Variants in RIPOR2 observed in about 807,000 individuals in gnomAD.
RIPOR2 encodes rho family-interacting cell polarization regulator 2.
A neutral mutation model predicts 114.5 loss-of-function variants in RIPOR2; 39 were observed. The observed-to-expected ratio is 0.34, with a 90% CI of 0.26 to 0.44. The LOEUF is 0.44. Among genes scored for constraint, RIPOR2 ranks in the 20% least tolerant of loss-of-function variants. RIPOR2 has a pLI of 1.00. For missense variants in RIPOR2, 1,007 were observed against 1,255.1 expected (o/e 0.80, Z 2.99); for synonymous variants, 445 against 484.4 (o/e 0.92, Z 1.07).
intron 1 of RIPOR2, among the ~76,000 whole-genome samples, chr6:24,924,490 G>A (rs868258440): frequency 6.6e-6 from 1 of 152,164 alleles, no homozygotes; most frequent in African/African-American, 2.4e-5. Context: ...TGAGAGAAAA[G>A]ATCCTTAGTC....
intron 1 of RIPOR2, among the ~76,000 whole-genome samples, chr6:24,882,977 A>C (rs978123690): frequency 5.9e-5 from 9 of 152,208 alleles, no homozygotes; most frequent in African/African-American, 2.2e-4. Flanking sequence ...CCCTGCAAGG[A>C]TGAGACCAGG....
At chr6:24,969,510 C>G (rs1213055810) in intron 1 of RIPOR2, among the ~76,000 whole-genome samples, 1 of 152,200 alleles carries the variant, frequency 6.6e-6, no homozygotes, top group Non-Finnish European at 1.5e-5. Context: ...TAACTTTTTA[C>G]TCACTTATTT....
intron 19 of RIPOR2, among the ~76,000 whole-genome samples, chr6:24,819,870 T>C (rs1759523355): frequency 6.6e-6 from 1 of 152,008 alleles, no homozygotes; most frequent in Non-Finnish European, 1.5e-5. Flanking sequence ...TTAACATTAA[T>C]TCAAATGAAT....
chr6:24,869,599 T>C (rs1764962878), intron 5 of RIPOR2, among the ~76,000 whole-genome samples: 1 of 152,150 alleles, frequency 6.6e-6, no homozygotes. Flanking sequence ...ATTACAGATA[T>C]GAGCCACCAT....
At position 25,004,179 on chromosome 6, in the gene RIPOR2, T is replaced by C. The variant is rs567840837; in HGVS notation, c.76+37672A>G. On this transcript the variant is annotated intron_variant, in intron 1 of 13. Transcript: ENST00000510784. ...AAAAAAGCACTAAATCTGGCTAAAA[T>C]ACCTAACAACCACAATGATACCCAA... Among the ~76,000 whole-genome samples the C allele has an allele frequency of 2.0e-4, 30 of 152,240 alleles. No individual in the cohort carries two copies. In the South Asian group the frequency reaches 5.2e-3, roughly 26 times the overall value.
intron 6 of RIPOR2, among the ~76,000 whole-genome samples, chr6:24,868,658 G>A (rs887699790): frequency 6.6e-5 from 10 of 152,194 alleles, no homozygotes; most frequent in African/African-American, 2.4e-4. Context: ...GGGCTTGAGA[G>A]AGATTGAGGG....
intron 1 of RIPOR2, among the ~76,000 whole-genome samples, chr6:25,022,718 G>T (rs1359237098): frequency 2.6e-5 from 4 of 150,978 alleles, no homozygotes; most frequent in Non-Finnish European, 4.4e-5. Flanking sequence ...CTAATTTTTT[G>T]ATTGTTTTGT....
chr6:24,970,808 G>A (rs1773752264), intron 1 of RIPOR2, among the ~76,000 whole-genome samples: 1 of 152,208 alleles, frequency 6.6e-6, no homozygotes, highest in African/African-American at 2.4e-5. Context: ...TTGCCATTGT[G>A]TAGTGGTAGG....
intron 7 of RIPOR2, among the ~76,000 whole-genome samples, chr6:24,862,330 A>T (rs1444449073): frequency 6.6e-6 from 1 of 152,174 alleles, no homozygotes; most frequent in Non-Finnish European, 1.5e-5. Context: ...GCCTCCCACA[A>T]GGCTAGGGGT....
At chr6:24,902,034 G>A (rs1423466721) in intron 1 of RIPOR2, among the ~76,000 whole-genome samples, 2 of 152,092 alleles carry the variant, frequency 1.3e-5, no homozygotes. Context: ...ACTTAAACTT[G>A]AGGAACAGCA....
intron 1 of RIPOR2, among the ~76,000 whole-genome samples, chr6:24,947,490 CA>C (rs1298678895): frequency 6.6e-6 from 1 of 152,132 alleles, no homozygotes; most frequent in Non-Finnish European, 1.5e-5. Flanking sequence ...ACAGTGAAAA[CA>C]AAACCCCAGA....
chr6:25,028,404 C>T (rs1459293599), intron 1 of RIPOR2, among the ~76,000 whole-genome samples: 3 of 152,160 alleles, frequency 2.0e-5, no homozygotes, highest in Non-Finnish European at 2.9e-5. Flanking sequence ...GCAGTGAAAA[C>T]CCGCTCTGGA....
intron 1 of RIPOR2, among the ~76,000 whole-genome samples, chr6:24,907,233 C>T (rs987687466): frequency 2.0e-5 from 3 of 152,140 alleles, no homozygotes; most frequent in Non-Finnish European, 4.4e-5. Flanking sequence ...CATTTGCTTT[C>T]ACTGTTGAAA....
intron 1 of RIPOR2, among the ~76,000 whole-genome samples, chr6:25,014,416 CTGGTATTTA>C (rs1775887729): frequency 1.3e-5 from 2 of 152,128 alleles, no homozygotes; most frequent in Admixed American, 6.5e-5. Context: ...AAAGAAGCAG[CTGGTATTTA>C]TTTGACTTCA....
intron 1 of RIPOR2, among the ~76,000 whole-genome samples, chr6:24,900,751 C>CTA (rs768415812): frequency 6.6e-6 from 1 of 152,158 alleles, no homozygotes; most frequent in Non-Finnish European, 1.5e-5. Flanking sequence ...GAGTGAGACT[C>CTA]TGTAGTTTTC....
intron 1 of RIPOR2, among the ~76,000 whole-genome samples, chr6:24,927,573 C>T (rs1054758104): frequency 2.0e-5 from 3 of 151,606 alleles, no homozygotes; most frequent in Non-Finnish European, 4.4e-5. Context: ...CTTACCACCA[C>T]CACAATTATT....
In RIPOR2 at chr6:24,828,225, T is replaced by C. The variant is rs1760353514; in HGVS notation, c.2577A>G (p.Glu859=). Residue 859 remains glutamate (E), a synonymous_variant, in exon 18 of 22, where the codon GAA becomes GAG. Coordinates refer to ENST00000643898, the MANE Select transcript of RIPOR2 (RefSeq NM_001286445.3). ...EPLLSSSLSS[E]VVTVFQYYSY... ...TGTAATACTGGAAAACAGTGACGACTTCCGAGGACAGGCTGGAGGAAAGCA... is the reference window on the plus strand; with the variant it reads ...TGTAATACTGGAAAACAGTGACGACCTCCGAGGACAGGCTGGAGGAAAGCA... The C allele has an allele frequency of 3.2e-6, 5 of 1,551,508 alleles. No homozygotes were observed. Among genetic ancestry groups the C allele is most frequent in the Non-Finnish European group, 4.4e-6 (5 of 1,146,864 alleles).
intron 1 of RIPOR2, among the ~76,000 whole-genome samples, chr6:24,891,117 A>G (rs1767311141): frequency 6.6e-6 from 1 of 152,222 alleles, no homozygotes; most frequent in Non-Finnish European, 1.5e-5. Flanking sequence ...GAGTTATTCC[A>G]GGATCTTAAC....
intron 19 of RIPOR2, among the ~76,000 whole-genome samples, chr6:24,824,154 G>T (rs546301376): frequency 8.5e-5 from 13 of 152,324 alleles, no homozygotes; most frequent in African/African-American, 2.9e-4. Context: ...ACACTCAGAT[G>T]CGTATATATC....
Sources: allele counts gnomAD v4.1 joint callset (sites outside exome capture counted in the v4.1 genomes callset), GRCh38; gene constraint gnomAD v4.1.1; transcripts MANE v1.5; gene names NCBI Gene and HGNC (gene_info 2026-07-23, HGNC 2026-07-21).